TASP1: variants seen among roughly 807,000 people sequenced by gnomAD.
TASP1 encodes the protein taspase 1, also known as threonine aspartase 1.
Under a neutral mutation model 56.6 loss-of-function variants are expected in TASP1, and 16 were observed. That is an observed-to-expected ratio of 0.28 (90% CI 0.19 to 0.43). TASP1 has a LOEUF of 0.43. Ranked by LOEUF, TASP1 falls within the 20% of genes least tolerant of loss-of-function variation. The pLI is 1.00. For missense variants in TASP1, 393 were observed against 511.6 expected (o/e 0.77, Z 2.24); for synonymous variants, 179 against 184.2 (o/e 0.97, Z 0.23).
At chr20:13,425,203 A>T (rs998199568) in intron 12 of TASP1, among the ~76,000 whole-genome samples, 1 of 152,152 alleles carries the variant, frequency 6.6e-6, no homozygotes, top group Admixed American at 6.5e-5. Context: ...TTAATCCCCA[A>T]TGCAAGGCTT....
the TASP1 span, among the ~76,000 whole-genome samples, chr20:13,372,872 C>T: frequency 1.3e-5 from 2 of 152,096 alleles, no homozygotes; most frequent in Middle Eastern, 3.4e-3. Flanking sequence ...TTTATACTAA[C>T]TTAATTCCAT....
chr20:13,262,537 A>G, the TASP1 span, among the ~76,000 whole-genome samples: 1 of 151,940 alleles, frequency 6.6e-6, no homozygotes, highest in African/African-American at 2.4e-5. Context: ...CACTTGAAAG[A>G]ATAATTTATC....
At chr20:13,383,411 T>C in the TASP1 span, among the ~76,000 whole-genome samples, 2 of 152,178 alleles carry the variant, frequency 1.3e-5, no homozygotes, top group African/African-American at 2.4e-5. Context: ...AGAAGGAAAG[T>C]AAAAATTCAA....
chr20:13,465,542 A>C (rs2044223774), intron 11 of TASP1, among the ~76,000 whole-genome samples: 1 of 152,068 alleles, frequency 6.6e-6, no homozygotes, highest in Non-Finnish European at 1.5e-5. Context: ...TATAATACTG[A>C]AAATAAATTT....
At chr20:13,338,668 A>G in the TASP1 span, among the ~76,000 whole-genome samples, 2 of 152,176 alleles carry the variant, frequency 1.3e-5, no homozygotes, top group African/African-American at 4.8e-5. Flanking sequence ...CATCCTTCAC[A>G]CCAATTCCTC....
chr20:13,330,643 G>C, the TASP1 span, among the ~76,000 whole-genome samples: 6 of 152,274 alleles, frequency 3.9e-5, no homozygotes, highest in African/African-American at 7.2e-5. Flanking sequence ...ACCTGAGCTT[G>C]AGATTTCCTT....
chr20:13,232,628 C>T, the TASP1 span, among the ~76,000 whole-genome samples: 1 of 152,192 alleles, frequency 6.6e-6, no homozygotes, highest in Non-Finnish European at 1.5e-5. Flanking sequence ...GCTTTCATTT[C>T]TCTTGGGTGA....
chr20:13,481,123 T>G (rs1444326718), intron 11 of TASP1, among the ~76,000 whole-genome samples: 1 of 152,076 alleles, frequency 6.6e-6, no homozygotes, highest in Non-Finnish European at 1.5e-5. Flanking sequence ...CTTCCATGAG[T>G]TCAATTGTTT....
the TASP1 span, chr20:13,368,356 A>G: frequency 6.6e-6 from 1 of 152,256 alleles, no homozygotes; most frequent in Non-Finnish European, 1.5e-5. Context: ...TTCTTGGGAT[A>G]GATGAGAGAA....
At chr20:13,169,334 T>C in the TASP1 span, among the ~76,000 whole-genome samples, 3 of 152,132 alleles carry the variant, frequency 2.0e-5, no homozygotes, top group African/African-American at 4.8e-5. Context: ...TGGCAGACAC[T>C]ACAAGTCAGG....
At chr20:13,191,408 A>G in the TASP1 span, among the ~76,000 whole-genome samples, 5 of 152,240 alleles carry the variant, frequency 3.3e-5, no homozygotes, top group African/African-American at 1.2e-4. Context: ...GTATTCATCT[A>G]TTAAAAATTA....
intron 12 of TASP1, among the ~76,000 whole-genome samples, chr20:13,427,470 TATGTGAGAAC>T (rs1239131605): frequency 1.3e-5 from 2 of 152,240 alleles, no homozygotes; most frequent in Non-Finnish European, 2.9e-5. Flanking sequence ...TTCAGGTAAT[TATGTGAGAAC>T]ATGCGGAAAT....
the TASP1 span, among the ~76,000 whole-genome samples, chr20:13,290,352 A>C: frequency 3.9e-5 from 6 of 152,226 alleles, no homozygotes; most frequent in Admixed American, 2.0e-4. Flanking sequence ...AAGATGAGGC[A>C]AAAGAAAATG....
chr20:13,319,044 G>T, the TASP1 span, among the ~76,000 whole-genome samples: 6 of 152,176 alleles, frequency 3.9e-5, no homozygotes, highest in South Asian at 2.1e-4. Flanking sequence ...TGTCAATGTA[G>T]GTTCATCAGT....
At chr20:13,227,142 T>TTGGG in the TASP1 span, among the ~76,000 whole-genome samples, 3 of 152,196 alleles carry the variant, frequency 2.0e-5, no homozygotes, top group Non-Finnish European at 4.4e-5. Context: ...TAGAATTTGT[T>TTGGG]TGGGTGTCTT....
At chr20:13,170,777 A>C in the TASP1 span, among the ~76,000 whole-genome samples, 2 of 152,178 alleles carry the variant, frequency 1.3e-5, no homozygotes, top group Non-Finnish European at 2.9e-5. Flanking sequence ...CAATCATCAC[A>C]TCGTGCTCTT....
intron 7 of TASP1, among the ~76,000 whole-genome samples, chr20:13,562,635 G>A (rs1250520962): frequency 1.3e-5 from 2 of 151,990 alleles, no homozygotes; most frequent in African/African-American, 4.8e-5. Context: ...CCAGCACTTT[G>A]GGAAACCAAT....
chr20:13,244,379 G>A, the TASP1 span: 1 of 129,012 alleles, frequency 7.8e-6, no homozygotes, highest in African/African-American at 3.0e-5. Flanking sequence ...TGTAGAAGAT[G>A]TCCTATGCAA....
chr20:13,359,476 G>A, the TASP1 span, among the ~76,000 whole-genome samples: 263 of 151,658 alleles, frequency 1.7e-3, no homozygotes, highest in Non-Finnish European at 2.4e-3. Context: ...AGACCATCAC[G>A]GATGCCGAGC....
Sources: allele counts gnomAD v4.1 joint callset (sites outside exome capture counted in the v4.1 genomes callset), GRCh38; gene constraint gnomAD v4.1.1; transcripts MANE v1.5; gene names NCBI Gene and HGNC (gene_info 2026-07-23, HGNC 2026-07-21).